Variants in BRCC3 observed in about 807,000 individuals in gnomAD.
BRCC3 encodes the protein BRCA1/BRCA2-containing complex subunit 3.
BRCC3 carries 15 observed loss-of-function variants against 28.0 expected under a neutral mutation model. The ratio of observed to expected loss-of-function variants is 0.54; its 90% CI spans 0.36 to 0.82. BRCC3 has a LOEUF of 0.82. Ranked by LOEUF, BRCC3 falls within the 40% of genes least tolerant of loss-of-function variation. The probability of loss-of-function intolerance (pLI) is 0.01; values close to 1 mark genes in which losing one functional copy is unlikely to be tolerated. For missense variants in BRCC3, 109 were observed against 225.9 expected (o/e 0.48, Z 3.32); for synonymous variants, 66 against 80.3 (o/e 0.82, Z 0.95).
Position 155,078,610 on chromosome X carries a change from A to G in BRCC3, c.316-6A>G. 4.2e-6 allele frequency: 5 copies of G among 1,187,992 alleles called. No individual in the cohort carries two copies. The highest frequency in any genetic ancestry group is 5.7e-6 in the Non-Finnish European group (5 of 879,485). ...CCACATTTTTAAAGTACCTTGACAG[A>G]CACACAGGTTGGCTGAACTGACAGG... On this transcript the variant is annotated splice_region_variant and splice_polypyrimidine_tract_variant and intron_variant, in intron 4 of 10. Transcript: ENST00000330045.
chrX:155,103,616 T>C (rs782612885), intron 7 of BRCC3, among the ~76,000 whole-genome samples: 262 of 112,147 alleles, frequency 2.3e-3, no homozygotes, highest in Non-Finnish European at 4.3e-3. Flanking sequence ...TGAGTATAAG[T>C]GTATCATGGT....
chrX:155,102,914 A>G (rs2074255502), intron 7 of BRCC3, among the ~76,000 whole-genome samples: 1 of 111,677 alleles, frequency 9.0e-6, no homozygotes, highest in Non-Finnish European at 1.9e-5. Context: ...CACTATTGAC[A>G]TTTTGGGTCA....
chrX:155,072,637 C>T (rs1296679194), intron 2 of BRCC3, among the ~76,000 whole-genome samples: 1 of 111,560 alleles, frequency 9.0e-6, no homozygotes, highest in African/African-American at 3.3e-5. Flanking sequence ...TCTCTGCTCA[C>T]TGCAACCTCC....
At chrX:155,099,253 C>T in intron 7 of BRCC3, 5 of 1,155,313 alleles carry the variant, frequency 4.3e-6, no homozygotes, top group Admixed American at 4.8e-5. Context: ...TCTGCAGTGT[C>T]ATCAGGGACC....
intron 7 of BRCC3, among the ~76,000 whole-genome samples, chrX:155,101,084 A>T (rs2074244231): frequency 9.1e-6 from 1 of 110,206 alleles, no homozygotes; most frequent in South Asian, 3.9e-4. Context: ...TTTTTTATAG[A>T]GGTGGGGTTT....
In BRCC3 at chrX:155,077,239, C is replaced by T. The variant is rs1219292695; in HGVS notation, c.265C>T (p.Arg89Ter). 8.4e-7 allele frequency: 1 copy of T among 1,191,407 alleles called. No homozygotes were observed. The highest frequency in any genetic ancestry group is 1.1e-6 in the Non-Finnish European group (1 of 882,242). Residue 89 changes from arginine to a stop codon, truncating the protein, a stop_gained, in exon 4 of 11, where the codon CGA (arginine) becomes TGA (stop). Transcript: ENST00000330045. LOFTEE classifies it high-confidence loss of function. ...ACGACGTTCTGATAAGAGGAAGGAC[C>T]GAGTAGAAATTTCTCCAGAGCAGCT... ...ILRRSDKRKDRVEISPEQLSA... is the reference protein window; with the variant it reads ...ILRRSDKRKD
At chrX:155,081,331 CAAAA>C (rs1313952481) in intron 5 of BRCC3, among the ~76,000 whole-genome samples, 1 of 40,927 alleles carries the variant, frequency 2.4e-5, no homozygotes, top group Non-Finnish European at 4.6e-5. Context: ...GATTCTGTCT[CAAAA>C]AAAAAAAAAA....
At chrX:155,105,242 G>T (rs2074272049) in intron 7 of BRCC3, among the ~76,000 whole-genome samples, 1 of 111,792 alleles carries the variant, frequency 8.9e-6, no homozygotes, top group Non-Finnish European at 1.9e-5. Flanking sequence ...CAGCACTTTG[G>T]GAGGCCGAGG....
At chrX:155,099,400 A>C (rs781786113) in intron 7 of BRCC3, 1 of 1,206,059 alleles carries the variant, frequency 8.3e-7, no homozygotes, top group Admixed American at 2.2e-5. Flanking sequence ...GTAGGAGGGC[A>C]AAAAGGGGCC....
chrX:155,107,449 C>T (rs1313167701), intron 7 of BRCC3, among the ~76,000 whole-genome samples: 1 of 110,520 alleles, frequency 9.0e-6, no homozygotes, highest in Non-Finnish European at 1.9e-5. Flanking sequence ...CCCAAACCTG[C>T]AGCCCTTCAT....
At chrX:155,074,043 C>G (rs181302835) in intron 3 of BRCC3, among the ~76,000 whole-genome samples, 2 of 111,865 alleles carry the variant, frequency 1.8e-5, no homozygotes, top group Admixed American at 9.4e-5. Flanking sequence ...ACACCTTCAT[C>G]TACTTATTAC....
chrX:155,089,180 A>C (rs782606664), intron 5 of BRCC3, 83 bp from the exon 6 acceptor site: 11 of 652,340 alleles, frequency 1.7e-5, no homozygotes, highest in Admixed American at 6.5e-5. Flanking sequence ...GTTATCTTTA[A>C]ATCTTTAAGT....
chrX:155,117,756 C>T (rs181696719), intron 9 of BRCC3, among the ~76,000 whole-genome samples: 57 of 111,764 alleles, frequency 5.1e-4, no homozygotes, highest in South Asian at 1.5e-3. Flanking sequence ...AAAGATATTA[C>T]TTTAAATAAA....
At chrX:155,105,834 G>A (rs944666207) in intron 7 of BRCC3, among the ~76,000 whole-genome samples, 8 of 111,881 alleles carry the variant, frequency 7.2e-5, no homozygotes, top group Admixed American at 2.8e-4. Context: ...GAGTAGCAGG[G>A]ATTACAGGCA....
chrX:155,072,288 A>G lies in BRCC3; in HGVS notation c.124-39A>G, dbSNP rs782815531. The G allele has an allele frequency of 2.6e-6, 3 of 1,163,390 alleles. No homozygotes were observed. In the Admixed American group the frequency reaches 6.6e-5, roughly 26 times the overall value. ...GCATCCATATATGTCAAACAAACGT[A>G]ATGTGATCAATAATGTTTTTTGCTT... On this transcript the variant is annotated intron_variant, in intron 1 of 10. Coordinates refer to ENST00000330045, the MANE Select transcript of BRCC3 (RefSeq NM_001018055.3).
At chrX:155,116,018 T>C in intron 7 of BRCC3, 39 bp from the exon 8 acceptor site, 1 of 1,189,896 alleles carries the variant, frequency 8.4e-7, no homozygotes, top group Non-Finnish European at 1.1e-6. Flanking sequence ...TTATAACAAC[T>C]CAGGGTTTAA....
intron 7 of BRCC3, among the ~76,000 whole-genome samples, chrX:155,103,280 G>A (rs1173730339): frequency 8.9e-6 from 1 of 112,120 alleles, no homozygotes; most frequent in Non-Finnish European, 1.9e-5. Flanking sequence ...CATTTCTAGT[G>A]CTCTTAGTTT....
chrX:155,087,199 G>T (rs918827958), intron 5 of BRCC3, among the ~76,000 whole-genome samples: 1 of 111,833 alleles, frequency 8.9e-6, no homozygotes, highest in Non-Finnish European at 1.9e-5. Context: ...GCTCAGAGGG[G>T]GTACATCCAT....
chrX:155,073,329 T>A, intron 2 of BRCC3, 48 bp from the exon 3 acceptor site: 4 of 1,140,367 alleles, frequency 3.5e-6, no homozygotes, highest in Non-Finnish European at 4.7e-6. Flanking sequence ...TTCCTTTTTA[T>A]ATTCCAAACC....
Sources: gnomAD v4.1 joint callset for allele counts (sites outside exome capture counted in the v4.1 genomes callset) on GRCh38, gnomAD v4.1.1 for gene constraint, MANE v1.5 for transcripts, NCBI Gene and HGNC (gene_info 2026-07-23, HGNC 2026-07-21) for gene names.